The following ABCC12 variants were observed in gnomAD, a reference collection of about 807,000 sequenced individuals.
The protein encoded by ABCC12 is ATP-binding cassette sub-family C member 12.
Under a neutral mutation model 151.1 loss-of-function variants are expected in ABCC12, and 142 were observed. That is an observed-to-expected ratio of 0.94 (90% CI 0.82 to 1.08). ABCC12 has a LOEUF of 1.08. Ranked by LOEUF, ABCC12 falls within the 50% of genes least tolerant of loss-of-function variation. ABCC12 has a pLI of 0.00. For synonymous variants in ABCC12, 645 were observed against 646.4 expected (o/e 1.00, Z 0.03); for missense variants, 1,638 against 1,691.1 (o/e 0.97, Z 0.55).
At chr16:48,148,100 A>G (rs1481601940) in intron 2 of ABCC12, among the ~76,000 whole-genome samples, 1 of 152,094 alleles carries the variant, frequency 6.6e-6, no homozygotes, top group African/African-American at 2.4e-5. Flanking sequence ...GGTGCACGCC[A>G]CTGCGTCTGG....
intron 21 of ABCC12, 137 bp downstream of exon 21, chr16:48,105,002 C>T (rs1203206583): frequency 5.2e-6 from 5 of 962,404 alleles, no homozygotes; most frequent in Non-Finnish European, 1.6e-6. Flanking sequence ...TTGGGAGACT[C>T]TTCCCAGACT....
At position 48,133,649 on chromosome 16, in the gene ABCC12, A is replaced by G. The variant is rs544843036; in HGVS notation, c.1128+38T>C. The G allele has an allele frequency of 1.4e-5, 22 of 1,606,224 alleles. No individual in the cohort carries two copies. In the South Asian group the frequency reaches 2.2e-4, roughly 16 times the overall value. ...TTCCCACCTGGGACTTGCCGGGGTCAGGTTGTGAAAGAGCCTCGATCTGGA... is the reference window on the plus strand; with the variant it reads ...TTCCCACCTGGGACTTGCCGGGGTCGGGTTGTGAAAGAGCCTCGATCTGGA... On this transcript the variant is annotated intron_variant, in intron 9 of 30. Transcript: ENST00000311303.
rs759436386 is a variant in ABCC12, at chr16:48,141,274, G to A, written c.355C>T (p.Gln119Ter). 70 of 1,614,086 alleles carry A rather than the reference G, an allele frequency of 4.3e-5. 3 individuals carry two copies. In the South Asian group the frequency reaches 4.8e-4, roughly 11 times the overall value. Residue 119 changes from glutamine (Q) to a stop codon, truncating the protein, a stop_gained, in exon 5 of 31, where the codon CAG (glutamine) becomes TAG (stop). Transcript: ENST00000311303. LOFTEE classifies it high-confidence loss of function. ...ASLSHVVWKF[Q>*]RTRVLMDIVA... ...ATGTCCATCAACACGCGTGTCCTCT[G>A]GAATTTCCACACCACGTGGCTCAGA...
intron 15 of ABCC12, 95 bp downstream of exon 15, chr16:48,115,320 G>A (rs764039114): frequency 1.6e-5 from 22 of 1,367,000 alleles, no homozygotes; most frequent in Non-Finnish European, 2.1e-5. Context: ...CCCAGCTGAA[G>A]ACAGGCAGAT....
intron 24 of ABCC12, among the ~76,000 whole-genome samples, chr16:48,096,449 C>T (rs1004989065): frequency 6.6e-6 from 1 of 152,212 alleles, no homozygotes; most frequent in African/African-American, 2.4e-5. Flanking sequence ...CTTCTGCCTC[C>T]GTGGCTGGGC....
rs1256263322 is a variant in ABCC12, at chr16:48,081,366, A to G, written c.*2349T>C. On this transcript the variant is annotated 3_prime_UTR_variant, in exon 31 of 31. Transcript: ENST00000311303. ...TTGCTAAGATGGTTTCGTGTCTTAT[A>G]CATGCAAACAGCCAAACCCTCAGAA... is the stretch of plus-strand genomic sequence containing the variant. 1.3e-5 allele frequency among the ~76,000 whole-genome samples: 2 copies of G among 152,176 alleles called. No individual in the cohort carries two copies. The highest frequency in any genetic ancestry group is 2.9e-5 in the Non-Finnish European group (2 of 68,030).
chr16:48,084,368 G>C (rs1962493703), intron 29 of ABCC12, among the ~76,000 whole-genome samples: 1 of 152,214 alleles, frequency 6.6e-6, no homozygotes, highest in South Asian at 2.1e-4. Flanking sequence ...GAGACAGGCT[G>C]CACAGGCTTT....
chr16:48,129,661 G>T (rs1240668157), intron 10 of ABCC12, among the ~76,000 whole-genome samples: 1 of 152,128 alleles, frequency 6.6e-6, no homozygotes, highest in East Asian at 1.9e-4. Context: ...CAGCTCTCTT[G>T]GGGTTGAGTG....
chr16:48,091,438 T>G (rs540668812), intron 24 of ABCC12, among the ~76,000 whole-genome samples: 1 of 152,192 alleles, frequency 6.6e-6, no homozygotes, highest in Non-Finnish European at 1.5e-5. Flanking sequence ...GGTAATTACA[T>G]TTTTCCCTGG....
At chr16:48,087,470 T>C (rs1962667742) in intron 27 of ABCC12, 1 of 156,170 alleles carries the variant, frequency 6.4e-6, no homozygotes, top group African/African-American at 2.4e-5. Context: ...TTCTTGTGCT[T>C]GAAATAGCTT....
chr16:48,097,321 T>C (rs138522074), intron 23 of ABCC12, among the ~76,000 whole-genome samples: 90 of 151,044 alleles, frequency 6.0e-4, no homozygotes, highest in Non-Finnish European at 1.1e-3. Context: ...CCTTGATCTA[T>C]AGAAAGGGTG....
intron 15 of ABCC12, among the ~76,000 whole-genome samples, chr16:48,112,464 C>T (rs1348994485): frequency 6.6e-6 from 1 of 152,032 alleles, no homozygotes. Flanking sequence ...GGTATGGTGG[C>T]GTGCACCTAT....
At chr16:48,145,883 TG>T (rs982638620) in intron 3 of ABCC12, among the ~76,000 whole-genome samples, 12 of 152,174 alleles carry the variant, frequency 7.9e-5, no homozygotes, top group South Asian at 2.1e-4. Context: ...GCTAAATGAG[TG>T]GCAATTGTTT....
chr16:48,108,830 C>T (rs80353441), intron 18 of ABCC12, among the ~76,000 whole-genome samples: 2,628 of 152,234 alleles, frequency 0.017, 74 homozygotes, highest in African/African-American at 0.06. Context: ...AGAAGCAGCA[C>T]CCAAGAAGAG....
chr16:48,133,482 C>T (rs9938810), intron 9 of ABCC12, among the ~76,000 whole-genome samples: 8,429 of 151,024 alleles, frequency 0.056, 798 homozygotes, highest in African/African-American at 0.2. Flanking sequence ...GCCGCCATCA[C>T]GCCACTGCAC....
Position 48,104,146 on chromosome 16 carries a change from A to T in ABCC12, c.2896T>A (p.Leu966Ile), listed in dbSNP as rs376182938. The T allele has an allele frequency of 2.0e-5, 32 of 1,613,732 alleles. No homozygotes were observed. Among genetic ancestry groups the T allele is most frequent in the Non-Finnish European group, 2.5e-5 (29 of 1,179,970 alleles). The change falls in exon 22 of 31, where the codon TTA becomes ATA. Residue 966 changes from leucine (L) to isoleucine (I), a missense_variant. Coordinates refer to ENST00000311303, the MANE Select transcript of ABCC12 (RefSeq NM_001393797.1). ...GTAAATAGCACATGGGCCTACCGTAACAGAATGAAGAAGCCTACAGCAAGG... is the reference window on the plus strand; with the variant it reads ...GTAAATAGCACATGGGCCTACCGTATCAGAATGAAGAAGCCTACAGCAAGG... Reference protein sequence around the residue: ...ASLAVGFFILLRIFHRGVQEL... With the variant: ...ASLAVGFFILIRIFHRGVQEL...
chr16:48,115,764 G>A, intron 14 of ABCC12, 146 bp from the exon 15 acceptor site: 1 of 838,492 alleles, frequency 1.2e-6, no homozygotes, highest in South Asian at 1.8e-5. Context: ...CCCTTACAGG[G>A]CCCCCGGTCA....
chr16:48,081,046 CT>C lies in ABCC12; in HGVS notation c.*2668del, dbSNP rs1157236082. Among the ~76,000 whole-genome samples, 8 of 152,086 alleles carry C rather than the reference CT, an allele frequency of 5.3e-5. No individual in the cohort carries two copies. The highest frequency in any genetic ancestry group is 1.9e-4 in the African/African-American group (8 of 41,400). On this transcript the variant is annotated 3_prime_UTR_variant, in exon 31 of 31. Coordinates refer to ENST00000311303, the MANE Select transcript of ABCC12 (RefSeq NM_001393797.1). ...GGGGTGAACAAGCTTCCCCAAGTCT[CT>C]TTTATAAGAGAGCCAATCCTATTCA...
intron 15 of ABCC12, 115 bp downstream of exon 15, chr16:48,115,300 T>TC: frequency 8.0e-7 from 1 of 1,243,184 alleles, no homozygotes; most frequent in Non-Finnish European, 1.1e-6. Flanking sequence ...CCTGGCTCCC[T>TC]CCCCACATTC....
Sources: gnomAD v4.1 joint callset for allele counts (sites outside exome capture counted in the v4.1 genomes callset) on GRCh38, gnomAD v4.1.1 for gene constraint, MANE v1.5 for transcripts, NCBI Gene and HGNC (gene_info 2026-07-23, HGNC 2026-07-21) for gene names.